Variants in RORA observed in about 807,000 individuals in gnomAD.
RORA encodes the protein nuclear receptor ROR-alpha.
Under a neutral mutation model 69.5 loss-of-function variants are expected in RORA, and 7 were observed. The observed-to-expected ratio is 0.10, with a 90% confidence interval of 0.06 to 0.19. The LOEUF is 0.19. Among genes scored for constraint, RORA ranks in the 10% least tolerant of loss-of-function variants. RORA has a pLI of 1.00. For synonymous variants in RORA, 261 were observed against 240.8 expected, an observed-to-expected ratio of 1.08 and a Z score of -0.78; for missense variants, 457 against 663.0, an observed-to-expected ratio of 0.69 and a Z score of 3.41.
rs35859710 is a variant in RORA at position 61,117,178 on chromosome 15, C to CTTTTT, written c.166+111870_166+111874dup. 1.4e-3 allele frequency among the ~76,000 whole-genome samples: 188 copies of CTTTTT among 138,390 alleles called. 2 individuals carry two copies. Among genetic ancestry groups the CTTTTT allele is most frequent in the African/African-American group, 3.6e-3 (136 of 37,782 alleles). The allele number at this position is 138,390 out of a possible 152,430, so 90.8% of individuals were successfully genotyped here. A position where few individuals can be genotyped will look rare whatever the true frequency, so the allele number is the denominator to read the frequency against. ...AAAAGCAGCTGGATGTTAAAAGTTA[C>CTTTTT]TTTTTTTTTTTTTTTTAACATAAAC... On this transcript the variant is annotated intron_variant, in intron 1 of 10. Transcript: ENST00000335670.
At chr15:60,805,869 G>A (rs1208203885) in intron 1 of RORA, among the ~76,000 whole-genome samples, 2 of 152,104 alleles carry the variant, frequency 1.3e-5, no homozygotes, top group Non-Finnish European at 2.9e-5. Flanking sequence ...TCTATAATAT[G>A]GTATCTTTTC....
At chr15:60,517,110 C>CTTTTTTTTTTTTTTTTTTTTT (rs34707279) in intron 3 of RORA, among the ~76,000 whole-genome samples, 15 of 141,272 alleles carry the variant, frequency 1.1e-4, no homozygotes, top group African/African-American at 3.9e-4. Context: ...TTCATCTGTG[C>CTTTTTTTTTTTTTTTTTTTTT]TTTTTTTTTT....
At chr15:60,514,305 C>CT (rs1254823022) in intron 4 of RORA, among the ~76,000 whole-genome samples, 1 of 152,198 alleles carries the variant, frequency 6.6e-6, no homozygotes, top group Non-Finnish European at 1.5e-5. Context: ...TCAGATGACA[C>CT]TTACCGTCAG....
chr15:60,513,498 C>T (rs1443203751), intron 4 of RORA, among the ~76,000 whole-genome samples: 2 of 152,160 alleles, frequency 1.3e-5, no homozygotes, highest in Non-Finnish European at 2.9e-5. Context: ...AATAAAGGGA[C>T]CAGCTCTTGA....
At chr15:60,815,354 A>G (rs1455324986) in intron 1 of RORA, among the ~76,000 whole-genome samples, 1 of 152,138 alleles carries the variant, frequency 6.6e-6, no homozygotes, top group East Asian at 1.9e-4. Context: ...ACAAGGGAGC[A>G]TTGCCTGGTG....
intron 2 of RORA, chr15:60,614,873 G>C (rs751153493): frequency 3.7e-6 from 6 of 1,602,536 alleles, no homozygotes; most frequent in Non-Finnish European, 5.1e-6. Flanking sequence ...CTGGAGCATA[G>C]TAAGCTCTCA....
intron 1 of RORA, among the ~76,000 whole-genome samples, chr15:60,926,608 T>C (rs1307989303): frequency 1.3e-5 from 2 of 152,250 alleles, no homozygotes; most frequent in Non-Finnish European, 2.9e-5. Context: ...TGCAGCTTCA[T>C]TTCTAGGAGA....
At chr15:61,176,891 T>C (rs1343101513) in intron 1 of RORA, among the ~76,000 whole-genome samples, 1 of 152,188 alleles carries the variant, frequency 6.6e-6, no homozygotes, top group Admixed American at 6.5e-5. Flanking sequence ...TAAATGTTCA[T>C]GCTTTATATG....
chr15:60,876,762 C>G (rs1457755223), intron 1 of RORA, among the ~76,000 whole-genome samples: 1 of 152,166 alleles, frequency 6.6e-6, no homozygotes, highest in Non-Finnish European at 1.5e-5. Context: ...CTGAGAGTTA[C>G]CAGGTATCTG....
intron 2 of RORA, among the ~76,000 whole-genome samples, chr15:60,610,549 G>C (rs1232222004): frequency 6.6e-6 from 1 of 152,082 alleles, no homozygotes; most frequent in Non-Finnish European, 1.5e-5. Flanking sequence ...AAAAATGCGG[G>C]ACTGATCGAC....
intron 1 of RORA, among the ~76,000 whole-genome samples, chr15:60,722,208 C>CT (rs2071302707): frequency 6.6e-6 from 1 of 152,182 alleles, no homozygotes; most frequent in South Asian, 2.1e-4. Flanking sequence ...TTCAAGAAGA[C>CT]TTCCATGTGT....
At chr15:60,559,051 A>G (rs2067455744) in intron 2 of RORA, among the ~76,000 whole-genome samples, 1 of 152,182 alleles carries the variant, frequency 6.6e-6, no homozygotes, top group Non-Finnish European at 1.5e-5. Flanking sequence ...TTTATAAATA[A>G]TAAAAATCTT....
intron 2 of RORA, among the ~76,000 whole-genome samples, chr15:60,662,698 G>A (rs560064818): frequency 6.6e-6 from 1 of 152,120 alleles, no homozygotes; most frequent in South Asian, 2.1e-4. Flanking sequence ...TAATGCTGAG[G>A]CCAAGCATAT....
chr15:60,807,876 TAGG>T (rs1300117072), intron 1 of RORA, among the ~76,000 whole-genome samples: 2 of 152,148 alleles, frequency 1.3e-5, no homozygotes, highest in Non-Finnish European at 2.9e-5. Context: ...AAGCCACATG[TAGG>T]AGAATGAAAC....
intron 1 of RORA, among the ~76,000 whole-genome samples, chr15:60,926,714 A>G (rs1892228822): frequency 6.6e-6 from 1 of 152,250 alleles, no homozygotes; most frequent in African/African-American, 2.4e-5. Context: ...CTATTACTAC[A>G]TATCAGCTGA....
intron 1 of RORA, among the ~76,000 whole-genome samples, chr15:60,840,646 G>A (rs341401): frequency 0.46 from 70,050 of 152,102 alleles, 16,407 homozygotes; most frequent in East Asian, 0.62. Flanking sequence ...CATGTGTCCC[G>A]CCACTGCTAG....
chr15:60,514,515 G>A, intron 4 of RORA, 101 bp downstream of exon 4: 6 of 1,159,428 alleles, frequency 5.2e-6, no homozygotes, highest in Non-Finnish European at 6.3e-6. Flanking sequence ...GAATAATGAG[G>A]AGGGGGCAGG....
intron 1 of RORA, among the ~76,000 whole-genome samples, chr15:61,060,942 C>T (rs1174805611): frequency 6.6e-6 from 1 of 152,192 alleles, no homozygotes; most frequent in Non-Finnish European, 1.5e-5. Flanking sequence ...GCCGATGGGC[C>T]ATGGGTTGGA....
At chr15:60,921,421 C>T (rs1353546610) in intron 1 of RORA, among the ~76,000 whole-genome samples, 2 of 152,148 alleles carry the variant, frequency 1.3e-5, no homozygotes, top group Non-Finnish European at 2.9e-5. Context: ...AGAAGCCGTC[C>T]ATAAAAGAGT....
Sources: gnomAD v4.1 joint callset for allele counts (sites outside exome capture counted in the v4.1 genomes callset) on GRCh38, gnomAD v4.1.1 for gene constraint, MANE v1.5 for transcripts, NCBI Gene and HGNC (gene_info 2026-07-23, HGNC 2026-07-21) for gene names.